The following SAYSD1 variants were observed in gnomAD, a reference collection of about 807,000 sequenced individuals.
SAYSD1 encodes SAYSVFN motif domain containing 1, also known as SAYSvFN domain-containing protein 1.
In SAYSD1, 15 loss-of-function variants were observed where a neutral mutation model predicts 14.5. That is an observed-to-expected ratio of 1.03 (90% CI 0.69 to 1.59). SAYSD1 has a LOEUF of 1.59. SAYSD1 is among the 40% of genes most tolerant of loss of function. The pLI is 0.00. For missense variants in SAYSD1, 247 were observed against 227.3 expected, an observed-to-expected ratio of 1.09 and a Z score of -0.56; for synonymous variants, 105 against 102.6, an observed-to-expected ratio of 1.02 and a Z score of -0.14.
At chr6:39,108,752 C>T (rs192302505) in intron 1 of SAYSD1, among the ~76,000 whole-genome samples, 7 of 152,124 alleles carry the variant, frequency 4.6e-5, no homozygotes, top group Admixed American at 2.0e-4. Flanking sequence ...GCTTAGTCCC[C>T]GTTTTTGCCA....
intron 1 of SAYSD1, chr6:39,112,071 T>C (rs999538297): frequency 2.0e-5 from 3 of 151,900 alleles, no homozygotes; most frequent in Non-Finnish European, 2.9e-5. Flanking sequence ...CTTGAAGAAA[T>C]ACTTTAAGAA....
In SAYSD1 at chr6:39,110,548, GTA is replaced by G. The variant is rs1319561004; in HGVS notation, c.207+4333_207+4334del. The G allele has an allele frequency of 1.2e-4, 18 of 152,416 alleles. 1 individual carries two copies. The highest frequency in any genetic ancestry group is 9.2e-4 in the Admixed American group (14 of 15,298). 9.4% of individuals were successfully genotyped at this position (152,416 alleles called of 1,614,324 possible). A position where few individuals can be genotyped will look rare whatever the true frequency, so the allele number is the denominator to read the frequency against. Reference sequence around the variant, plus strand: ...GCAACAATGCACTACACTATGCTGTGTATAATGAGAATACACTACTGGCAGAA... The same window carrying G: ...GCAACAATGCACTACACTATGCTGTGTAATGAGAATACACTACTGGCAGAA... On this transcript the variant is annotated intron_variant, in intron 1 of 1. Transcript: ENST00000229903.
At chr6:39,107,845 A>G (rs1162622566) in intron 1 of SAYSD1, among the ~76,000 whole-genome samples, 2 of 152,180 alleles carry the variant, frequency 1.3e-5, no homozygotes, top group Non-Finnish European at 2.9e-5. Flanking sequence ...AGGGGAGAGT[A>G]GCATGAGATG....
intron 1 of SAYSD1, among the ~76,000 whole-genome samples, chr6:39,108,753 G>A (rs1041281088): frequency 3.3e-5 from 5 of 151,934 alleles, no homozygotes; most frequent in African/African-American, 9.7e-5. Flanking sequence ...CTTAGTCCCC[G>A]TTTTTGCCAG....
intron 1 of SAYSD1, among the ~76,000 whole-genome samples, chr6:39,106,166 G>A (rs1342372934): frequency 1.3e-5 from 2 of 152,022 alleles, no homozygotes; most frequent in Non-Finnish European, 2.9e-5. Flanking sequence ...TTGTTGATTG[G>A]ATTAGATGAC....
chr6:39,107,455 A>G (rs373556369), intron 1 of SAYSD1, among the ~76,000 whole-genome samples: 26 of 152,314 alleles, frequency 1.7e-4, no homozygotes, highest in African/African-American at 5.8e-4. Flanking sequence ...AGTACCAGGA[A>G]GCCACGTGTC....
At chr6:39,109,754 G>A (rs1393675905) in intron 1 of SAYSD1, 1 of 284,094 alleles carries the variant, frequency 3.5e-6, no homozygotes, top group African/African-American at 2.3e-5. Context: ...CATGGCTGTG[G>A]ATGACAGGAT....
intron 1 of SAYSD1, chr6:39,109,311 T>C: frequency 6.4e-7 from 1 of 1,550,906 alleles, no homozygotes. Context: ...TTTTAAAAGT[T>C]ACCAGCATTT....
chr6:39,112,002 A>G (rs1769634563), intron 1 of SAYSD1: 1 of 152,232 alleles, frequency 6.6e-6, no homozygotes, highest in Non-Finnish European at 1.5e-5. Context: ...ATAGGAAAGA[A>G]GTTGAAGTAA....
At position 39,105,711 on chromosome 6, in the gene SAYSD1, C is replaced by T. The variant is rs377248635; in HGVS notation, c.273G>A (p.Ser91=). The change falls in exon 2 of 2, where the codon TCG becomes TCA. Residue 91 remains serine (S), a synonymous_variant. Coordinates refer to ENST00000229903, the MANE Select transcript of SAYSD1 (RefSeq NM_018322.3). ...TGGTCAGGAAAGACTGGTCCCAGCA[C>T]GACGGCAGAGGAATGGCTGTGTTCC... The part of the protein sequence containing the change: ...TPWNTAIPLP[S]CWDQSFLTNI... 8.7e-6 allele frequency: 14 copies of T among 1,614,078 alleles called. No homozygotes were observed. The highest frequency in any genetic ancestry group is 8.3e-5 in the Admixed American group (5 of 60,014).
chr6:39,113,099 T>C (rs1769658577), intron 1 of SAYSD1: 1 of 152,192 alleles, frequency 6.6e-6, no homozygotes, highest in African/African-American at 2.4e-5. Context: ...AGACTGACAT[T>C]TGTGCGGGGC....
chr6:39,109,451 A>G, intron 1 of SAYSD1: 2 of 1,541,348 alleles, frequency 1.3e-6, no homozygotes, highest in Non-Finnish European at 1.8e-6. Flanking sequence ...ATGCAGCGGC[A>G]TTGTCAGTCA....
chr6:39,112,075 T>C (rs1295401447), intron 1 of SAYSD1: 1 of 151,868 alleles, frequency 6.6e-6, no homozygotes, highest in Non-Finnish European at 1.5e-5. Context: ...AAGAAATACT[T>C]TAAGAAAAAA....
intron 1 of SAYSD1, among the ~76,000 whole-genome samples, chr6:39,107,757 G>A (rs1208699048): frequency 1.3e-5 from 2 of 152,158 alleles, no homozygotes; most frequent in Non-Finnish European, 1.5e-5. Context: ...AGAAAGAAAT[G>A]TCTGTTTCAG....
In SAYSD1 at chr6:39,104,832, AAAT is replaced by A. The variant is rs1303428948; in HGVS notation, c.*597_*599del. 1 of 152,630 alleles carries A rather than the reference AAAT, an allele frequency of 6.6e-6. No homozygotes were observed. The highest frequency in any genetic ancestry group is 1.5e-5 in the Non-Finnish European group (1 of 68,516). The allele number at this position is 152,630 out of a possible 1,614,324, so 9.5% of individuals were successfully genotyped here. A position where few individuals can be genotyped will look rare whatever the true frequency, so the allele number is the denominator to read the frequency against. On this transcript the variant is annotated 3_prime_UTR_variant, in exon 2 of 2. Coordinates refer to ENST00000229903, the MANE Select transcript of SAYSD1 (RefSeq NM_018322.3). ...TACCTTCCTTTACTGAGTAGTGGCA[AAAT>A]AATAGGAGAGTGGAAGATGGTGATG...
intron 1 of SAYSD1, among the ~76,000 whole-genome samples, chr6:39,109,963 T>C (rs796992660): frequency 6.6e-6 from 1 of 152,168 alleles, no homozygotes; most frequent in Non-Finnish European, 1.5e-5. Context: ...CTACAGTTTC[T>C]TTATCCCTTC....
chr6:39,105,180 C>T lies in SAYSD1; in HGVS notation c.*252G>A. The T allele has an allele frequency of 2.1e-6, 1 of 465,802 alleles. No individual in the cohort carries two copies. The highest frequency in any genetic ancestry group is 3.9e-6 in the Non-Finnish European group (1 of 259,578). 28.9% of individuals were successfully genotyped at this position (465,802 alleles called of 1,614,324 possible). On this transcript the variant is annotated 3_prime_UTR_variant, in exon 2 of 2. Transcript: ENST00000229903. ...CCAAACAGATGAGAAATGAAACAAA[C>T]AGGTCTCCCTTCTTGAGTACATAAT...
chr6:39,113,275 C>A (rs575776612), intron 1 of SAYSD1: 47 of 152,218 alleles, frequency 3.1e-4, no homozygotes, highest in African/African-American at 1.1e-3. Flanking sequence ...AACCTTATTT[C>A]AATAAAGCTG....
chr6:39,108,664 G>T (rs945013301), intron 1 of SAYSD1, among the ~76,000 whole-genome samples: 1 of 152,094 alleles, frequency 6.6e-6, no homozygotes. Flanking sequence ...CCTCTGAGAG[G>T]AATGCTCCCT....
Sources: allele counts gnomAD v4.1 joint callset (sites outside exome capture counted in the v4.1 genomes callset), GRCh38; gene constraint gnomAD v4.1.1; transcripts MANE v1.5; gene names NCBI Gene and HGNC (gene_info 2026-07-23, HGNC 2026-07-21).